The following ABI3BP variants were observed in gnomAD, a reference collection of about 807,000 sequenced individuals.
ABI3BP encodes the protein target of Nesh-SH3.
ABI3BP carries 216 observed loss-of-function variants against 268.6 expected under a neutral mutation model. That is an observed-to-expected ratio of 0.80 (90% confidence interval 0.72 to 0.90). ABI3BP has a LOEUF of 0.90. Among genes scored for constraint, ABI3BP ranks in the 40% least tolerant of loss-of-function variants. The pLI is 0.00. For missense variants in ABI3BP, 2,090 were observed against 2,182.4 expected (o/e 0.96, Z 0.84); for synonymous variants, 730 against 730.0 (o/e 1.00, Z 0.00).
intron 41 of ABI3BP, 142 bp from the exon 42 acceptor site, chr3:100,817,637 A>G (rs1278931060): frequency 3.8e-6 from 2 of 523,484 alleles, no homozygotes; most frequent in African/African-American, 1.9e-5. Flanking sequence ...CATTAGTCTC[A>G]TAAGACAGAT....
At chr3:100,875,656 G>T in intron 7 of ABI3BP, 77 bp from the exon 8 acceptor site, 1 of 1,025,500 alleles carries the variant, frequency 9.8e-7, no homozygotes, top group Non-Finnish European at 1.5e-6. Flanking sequence ...GAAGCCATCT[G>T]CACTGGAAAA....
intron 1 of ABI3BP, among the ~76,000 whole-genome samples, chr3:100,972,644 T>C (rs2084165064): frequency 6.6e-6 from 1 of 151,206 alleles, no homozygotes; most frequent in South Asian, 2.1e-4. Flanking sequence ...GATTGATTCA[T>C]TTTTTTTTCC....
chr3:100,887,679 C>T (rs2042619429), intron 4 of ABI3BP, among the ~76,000 whole-genome samples: 1 of 151,970 alleles, frequency 6.6e-6, no homozygotes. Flanking sequence ...ACCTTTCCTC[C>T]ACTCCTTACA....
Position 100,907,497 on chromosome 3 carries a change from G to A in ABI3BP, c.260-4811C>T, listed in dbSNP as rs145188223. On this transcript the variant is annotated intron_variant, in intron 2 of 67. Coordinates refer to ENST00000471714, the MANE Select transcript of ABI3BP (RefSeq NM_001375547.2). ...TGACAGTGAGACCTTGTTTTGGGGGGGGAATAAAAGCTGTAACAATGTCAA... is the reference window on the plus strand; with the variant it reads ...TGACAGTGAGACCTTGTTTTGGGGGAGGAATAAAAGCTGTAACAATGTCAA... Among the ~76,000 whole-genome samples the A allele has an allele frequency of 2.4e-3, 364 of 151,948 alleles. 1 individual carries two copies. Among genetic ancestry groups the A allele is most frequent in the African/African-American group, 8.3e-3 (343 of 41,402 alleles).
At chr3:100,750,837 G>A (rs1213026753) in intron 67 of ABI3BP, among the ~76,000 whole-genome samples, 1 of 152,162 alleles carries the variant, frequency 6.6e-6, no homozygotes, top group Admixed American at 6.5e-5. Context: ...CAAGTTAGGA[G>A]GGGATGGTTG....
intron 2 of ABI3BP, among the ~76,000 whole-genome samples, chr3:100,920,825 A>G (rs1392783937): frequency 6.6e-6 from 1 of 152,246 alleles, no homozygotes; most frequent in Non-Finnish European, 1.5e-5. Context: ...AATTTAAACT[A>G]CTTACCCACA....
rs1456471398 is a variant in ABI3BP, at chr3:100,835,665, C to A, written c.2132-5G>T. On this transcript the variant is annotated splice_region_variant and splice_polypyrimidine_tract_variant and intron_variant, in intron 27 of 67. Transcript: ENST00000471714. ...GCTCAATGTCTGTGGTGGGAACTAA[C>A]CAAAAGCAATACAATAAACAATGGA... 1.3e-6 allele frequency: 2 copies of A among 1,531,852 alleles called. No homozygotes were observed. The highest frequency in any genetic ancestry group is 2.7e-5 in the African/African-American group (2 of 72,766). 94.9% of individuals were successfully genotyped at this position (1,531,852 alleles called of 1,614,324 possible).
chr3:100,922,303 C>T (rs953741311), intron 2 of ABI3BP, among the ~76,000 whole-genome samples: 2 of 152,116 alleles, frequency 1.3e-5, no homozygotes, highest in East Asian at 1.9e-4. Context: ...GAGGATAATG[C>T]CCCCAACAAA....
At chr3:100,772,505 T>C (rs989634363) in intron 61 of ABI3BP, among the ~76,000 whole-genome samples, 1 of 152,222 alleles carries the variant, frequency 6.6e-6, no homozygotes, top group African/African-American at 2.4e-5. Context: ...GGTTCTTATA[T>C]GTGAAGTTGT....
intron 55 of ABI3BP, among the ~76,000 whole-genome samples, chr3:100,790,384 G>T (rs1274019399): frequency 6.6e-6 from 1 of 151,694 alleles, no homozygotes; most frequent in Non-Finnish European, 1.5e-5. Context: ...TAATGTTTTT[G>T]GAAAAATTTT....
chr3:100,751,913 C>T (rs867476214), intron 66 of ABI3BP, among the ~76,000 whole-genome samples: 6 of 152,174 alleles, frequency 3.9e-5, no homozygotes, highest in Admixed American at 1.3e-4. Flanking sequence ...CAGCAGTCTC[C>T]CATTATACTC....
chr3:100,875,405 C>G, intron 8 of ABI3BP, 103 bp downstream of exon 8: 1 of 855,530 alleles, frequency 1.2e-6, no homozygotes, highest in Admixed American at 1.9e-5. Flanking sequence ...TGAACCACAT[C>G]AATTAAACAG....
intron 63 of ABI3BP, among the ~76,000 whole-genome samples, chr3:100,759,541 G>A (rs1289036620): frequency 2.6e-5 from 4 of 152,114 alleles, no homozygotes; most frequent in South Asian, 2.1e-4. Context: ...GCATTTTTTT[G>A]TGTTCCCCCA....
At chr3:100,788,104 G>A (rs1345615594) in intron 56 of ABI3BP, among the ~76,000 whole-genome samples, 1 of 152,102 alleles carries the variant, frequency 6.6e-6, no homozygotes, top group East Asian at 1.9e-4. Flanking sequence ...ATAGGCATTA[G>A]ATACATTCCA....
At position 100,864,837 on chromosome 3, in the gene ABI3BP, T is replaced by C; in HGVS notation, c.1059A>G (p.Thr353=). ...AAAAAAAGTTCTTAGAATTACCCAG[T>C]GTTGTTTCTGAAACATCTAATGCAC... ...TSSALDVSET[T]LVLSKRTPET... The change falls in exon 11 of 68, where the codon ACA becomes ACG. Residue 353 remains threonine, a synonymous_variant. Transcript: ENST00000471714. 6.2e-7 allele frequency: 1 copy of C among 1,603,626 alleles called. No individual in the cohort carries two copies. The highest frequency in any genetic ancestry group is 1.7e-4 in the Middle Eastern group (1 of 5,810).
chr3:100,749,890 T>C lies in ABI3BP; in HGVS notation c.*605A>G. On this transcript the variant is annotated 3_prime_UTR_variant, in exon 68 of 68. Coordinates refer to ENST00000471714, the MANE Select transcript of ABI3BP (RefSeq NM_001375547.2). Reference sequence around the variant, plus strand: ...TTCAATCTTTTTAAGAATTTGTGGATGTTTAAAGGAAATGTATATTAGCAT... The same window carrying C: ...TTCAATCTTTTTAAGAATTTGTGGACGTTTAAAGGAAATGTATATTAGCAT... 1 of 395,308 alleles carries C rather than the reference T, an allele frequency of 2.5e-6. No homozygotes were observed. Among genetic ancestry groups the C allele is most frequent in the Non-Finnish European group, 4.5e-6 (1 of 224,322 alleles). 24.5% of individuals were successfully genotyped at this position (395,308 alleles called of 1,614,324 possible).
chr3:100,801,017 T>C (rs1416278558), intron 51 of ABI3BP, among the ~76,000 whole-genome samples: 4 of 152,148 alleles, frequency 2.6e-5, no homozygotes, highest in Admixed American at 6.5e-5. Flanking sequence ...CTGCACTGTG[T>C]TGGGTGGTAG....
intron 1 of ABI3BP, among the ~76,000 whole-genome samples, chr3:100,954,206 G>T (rs1462477467): frequency 6.6e-6 from 1 of 152,034 alleles, no homozygotes; most frequent in Admixed American, 6.6e-5. Flanking sequence ...TCATATGAAA[G>T]ACTTATTGCT....
intron 1 of ABI3BP, among the ~76,000 whole-genome samples, chr3:100,938,547 G>T (rs961022403): frequency 1.3e-5 from 2 of 152,080 alleles, no homozygotes; most frequent in Non-Finnish European, 2.9e-5. Flanking sequence ...ATCTTCAGTT[G>T]TTCCTGATCC....
Sources: gnomAD v4.1 joint callset for allele counts (sites outside exome capture counted in the v4.1 genomes callset) on GRCh38, gnomAD v4.1.1 for gene constraint, MANE v1.5 for transcripts, NCBI Gene and HGNC (gene_info 2026-07-23, HGNC 2026-07-21) for gene names.